The following PLA2G4A variants were observed in gnomAD, a reference collection of about 807,000 sequenced individuals.
PLA2G4A encodes the protein cytosolic phospholipase A2.
In PLA2G4A, 40 loss-of-function variants were observed where a neutral mutation model predicts 81.9. The observed-to-expected ratio is 0.49, with a 90% confidence interval of 0.38 to 0.64. PLA2G4A has a LOEUF of 0.64. Among genes scored for constraint, PLA2G4A ranks in the 30% least tolerant of loss-of-function variants. The probability of loss-of-function intolerance (pLI) is 0.00; values close to 1 mark genes in which losing one functional copy is unlikely to be tolerated. For missense variants in PLA2G4A, 715 were observed against 905.1 expected, an observed-to-expected ratio of 0.79 and a Z score of 2.69; for synonymous variants, 302 against 296.9, an observed-to-expected ratio of 1.02 and a Z score of -0.18.
intron 7 of PLA2G4A, among the ~76,000 whole-genome samples, chr1:186,919,189 C>T (rs1017951701): frequency 3.9e-5 from 6 of 152,160 alleles, no homozygotes; most frequent in African/African-American, 9.7e-5. Context: ...TCCCAATCGC[C>T]CCTCTTTGTA....
chr1:186,831,114 C>T (rs1489100595), intron 1 of PLA2G4A, among the ~76,000 whole-genome samples: 1 of 151,340 alleles, frequency 6.6e-6, no homozygotes. Context: ...CAGGTATGGA[C>T]CCCTCCCTAG....
At chr1:186,899,104 G>C (rs896450085) in intron 5 of PLA2G4A, among the ~76,000 whole-genome samples, 1 of 152,172 alleles carries the variant, frequency 6.6e-6, no homozygotes, top group Admixed American at 6.5e-5. Context: ...ATAATGACAA[G>C]TGCTAACTAA....
At chr1:186,889,626 G>T (rs1038842924) in intron 3 of PLA2G4A, among the ~76,000 whole-genome samples, 2 of 152,206 alleles carry the variant, frequency 1.3e-5, no homozygotes, top group African/African-American at 4.8e-5. Context: ...TTAAGTGAAA[G>T]ACATTGATTA....
chr1:186,940,511 C>A (rs1020612856), intron 10 of PLA2G4A, among the ~76,000 whole-genome samples: 2 of 152,124 alleles, frequency 1.3e-5, no homozygotes, highest in Non-Finnish European at 2.9e-5. Flanking sequence ...TCCAGGCCCC[C>A]CTGTGGATAC....
intron 2 of PLA2G4A, among the ~76,000 whole-genome samples, chr1:186,856,110 A>G (rs1191619168): frequency 6.6e-6 from 1 of 151,982 alleles, no homozygotes; most frequent in African/African-American, 2.4e-5. Flanking sequence ...GCACATGCAC[A>G]CAAAATTGCT....
At chr1:186,941,078 A>T (rs1656136837) in intron 10 of PLA2G4A, among the ~76,000 whole-genome samples, 2 of 141,030 alleles carry the variant, frequency 1.4e-5, no homozygotes, top group African/African-American at 5.5e-5. Context: ...ATGCCACTGC[A>T]CTCCAGCCGG....
intron 5 of PLA2G4A, among the ~76,000 whole-genome samples, chr1:186,899,904 T>G (rs1654476615): frequency 6.6e-6 from 1 of 152,162 alleles, no homozygotes; most frequent in Non-Finnish European, 1.5e-5. Context: ...CAAGTAGAGT[T>G]GAATGCAATG....
At chr1:186,887,711 A>G (rs1653984913) in intron 3 of PLA2G4A, among the ~76,000 whole-genome samples, 1 of 152,168 alleles carries the variant, frequency 6.6e-6, no homozygotes, top group South Asian at 2.1e-4. Context: ...ATGTACAGGA[A>G]AAAACAAATT....
chr1:186,984,084 T>A (rs550211833), intron 17 of PLA2G4A, among the ~76,000 whole-genome samples: 15 of 152,290 alleles, frequency 9.8e-5, no homozygotes, highest in Non-Finnish European at 1.9e-4. Context: ...TCTGTAGACA[T>A]ACTGATCACA....
At chr1:186,882,609 TG>T (rs993680852) in intron 3 of PLA2G4A, among the ~76,000 whole-genome samples, 3 of 151,890 alleles carry the variant, frequency 2.0e-5, no homozygotes, top group African/African-American at 7.3e-5. Context: ...TTGGGTTTGA[TG>T]GGGGGTTGGG....
At chr1:186,925,690 C>T (rs1439018463) in intron 7 of PLA2G4A, among the ~76,000 whole-genome samples, 1 of 152,204 alleles carries the variant, frequency 6.6e-6, no homozygotes, top group Non-Finnish European at 1.5e-5. Context: ...GTCATCTCCT[C>T]CCTCTTTACC....
At chr1:186,837,581 CA>C (rs1651826957) in intron 1 of PLA2G4A, among the ~76,000 whole-genome samples, 1 of 146,542 alleles carries the variant, frequency 6.8e-6, no homozygotes, top group African/African-American at 2.6e-5. Flanking sequence ...AAAAAAAATA[CA>C]AAAAATTAGC....
At chr1:186,891,498 C>A (rs1211773103) in intron 3 of PLA2G4A, among the ~76,000 whole-genome samples, 1 of 152,112 alleles carries the variant, frequency 6.6e-6, no homozygotes, top group Admixed American at 6.6e-5. Flanking sequence ...CTTCTGCCCC[C>A]TCCATGGGTT....
intron 7 of PLA2G4A, among the ~76,000 whole-genome samples, chr1:186,920,527 C>T (rs1186267869): frequency 6.6e-6 from 1 of 152,242 alleles, no homozygotes; most frequent in Non-Finnish European, 1.5e-5. Flanking sequence ...GCCCGGTCCC[C>T]TTCAGTCCAG....
chr1:186,960,327 G>T (rs1367950222), intron 14 of PLA2G4A, among the ~76,000 whole-genome samples: 1 of 152,134 alleles, frequency 6.6e-6, no homozygotes, highest in Non-Finnish European at 1.5e-5. Context: ...TTGAATCTGT[G>T]TGATGTATTT....
In PLA2G4A at chr1:186,909,952, C is replaced by A. The variant is rs529949350; in HGVS notation, c.417-1296C>A. On this transcript the variant is annotated intron_variant, in intron 6 of 17. Coordinates refer to ENST00000367466, the MANE Select transcript of PLA2G4A (RefSeq NM_024420.3). ...ATTGCTTTTTAACAAACTTATATTCCCAAAATGGATGCATGAGAATATTAG... is the reference window on the plus strand; with the variant it reads ...ATTGCTTTTTAACAAACTTATATTCACAAAATGGATGCATGAGAATATTAG... Among the ~76,000 whole-genome samples the A allele has an allele frequency of 2.6e-5, 4 of 151,934 alleles. No homozygotes were observed. The East Asian group carries it at 7.7e-4, about 29-fold the overall frequency.
intron 5 of PLA2G4A, among the ~76,000 whole-genome samples, chr1:186,894,880 T>C (rs1654278962): frequency 6.6e-6 from 1 of 152,188 alleles, no homozygotes; most frequent in African/African-American, 2.4e-5. Context: ...ATTTAGTAGT[T>C]TGTAGTAAGA....
intron 7 of PLA2G4A, among the ~76,000 whole-genome samples, chr1:186,922,153 C>T (rs1373711421): frequency 2.0e-5 from 3 of 152,108 alleles, no homozygotes; most frequent in Non-Finnish European, 2.9e-5. Flanking sequence ...AGACCATGCT[C>T]ACACCACACA....
At chr1:186,845,424 C>T (rs779331462) in intron 1 of PLA2G4A, among the ~76,000 whole-genome samples, 3 of 151,904 alleles carry the variant, frequency 2.0e-5, no homozygotes, top group Non-Finnish European at 4.4e-5. Flanking sequence ...GGATTAGGGG[C>T]GATTTTCCCT....
Sources: gnomAD v4.1 joint callset for allele counts (sites outside exome capture counted in the v4.1 genomes callset) on GRCh38, gnomAD v4.1.1 for gene constraint, MANE v1.5 for transcripts, NCBI Gene and HGNC (gene_info 2026-07-23, HGNC 2026-07-21) for gene names.